The following BAZ2A variants were observed in gnomAD, a reference collection of about 807,000 sequenced individuals.
BAZ2A encodes bromodomain adjacent to zinc finger domain protein 2A.
Under a neutral mutation model 199.9 loss-of-function variants are expected in BAZ2A, and 34 were observed. The observed-to-expected ratio is 0.17, with a 90% CI of 0.13 to 0.23. The LOEUF is 0.23. Ranked by LOEUF, BAZ2A falls within the 10% of genes least tolerant of loss-of-function variation. BAZ2A has a pLI of 1.00. For synonymous variants in BAZ2A, 857 were observed against 883.9 expected (o/e 0.97, Z 0.54); for missense variants, 2,002 against 2,391.1 (o/e 0.84, Z 3.39).
chr12:56,632,975 C>G (rs893710194), upstream of BAZ2A, among the ~76,000 whole-genome samples: 2 of 152,148 alleles, frequency 1.3e-5, no homozygotes, highest in African/African-American at 4.8e-5. Flanking sequence ...CCTCTCTTTT[C>G]CCCACCCATT....
chr12:56,597,637 GACAC>G lies in BAZ2A; in HGVS notation c.*977_*980del, dbSNP rs35960815. On this transcript the variant is annotated 3_prime_UTR_variant, in exon 29 of 29. Transcript: ENST00000549884. Reference sequence around the variant, plus strand: ...CACACACACAGCGCGCTCTGAGGCCGACACACACACACACACACACACACACACA... The same window carrying G: ...CACACACACAGCGCGCTCTGAGGCCGACACACACACACACACACACACACA... 9.3e-3 allele frequency: 1,181 copies of G among 127,204 alleles called. 18 individuals are homozygous for G. Among genetic ancestry groups the G allele is most frequent in the African/African-American group, 0.03 (888 of 29,444 alleles). The allele number at this position is 127,204 out of a possible 1,614,324, so 7.9% of individuals were successfully genotyped here.
chr12:56,628,177 CAAAAA>C (rs57372528), intron 1 of BAZ2A, among the ~76,000 whole-genome samples: 2 of 28,382 alleles, frequency 7.0e-5, no homozygotes, highest in South Asian at 1.7e-3. Context: ...AACTCCGTCT[CAAAAA>C]AAAAAAAAAA....
At chr12:56,603,788 G>A (rs1048826472) in intron 16 of BAZ2A, 88 bp from the exon 17 acceptor site, 86 of 1,453,098 alleles carry the variant, frequency 5.9e-5, no homozygotes, top group Non-Finnish European at 4.8e-5. Flanking sequence ...CAAGACAGGC[G>A]GATCACCTGA....
In BAZ2A at chr12:56,596,962, C is replaced by T. The variant is rs78470960; in HGVS notation, c.*1656G>A. Reference sequence around the variant, plus strand: ...AGGAATGCTCCACCTCACCTGGCACCCCCACCCCCCAATGGAACATTTCTT... The same window carrying T: ...AGGAATGCTCCACCTCACCTGGCACTCCCACCCCCCAATGGAACATTTCTT... On this transcript the variant is annotated 3_prime_UTR_variant, in exon 29 of 29. Coordinates refer to ENST00000549884, the MANE Select transcript of BAZ2A (RefSeq NM_001300905.2). The T allele has an allele frequency of 7.7e-3, 1,174 of 152,780 alleles. 4 individuals are homozygous for T. The highest frequency in any genetic ancestry group is 0.012 in the Non-Finnish European group (825 of 68,210). The allele number at this position is 152,780 out of a possible 1,614,324, so 9.5% of individuals were successfully genotyped here. A position where few individuals can be genotyped will look rare whatever the true frequency, so the allele number is the denominator to read the frequency against.
Position 56,615,359 on chromosome 12 carries a change from G to A in BAZ2A, c.385C>T (p.Arg129Trp), listed in dbSNP as rs767384270. ...TTATGACTTGGGGATGAAGGTTGCC[G>A]GCTGCCCCCAAGGATGCCGTTGAGT... The part of the protein sequence containing the change: ...YPLNGILGGS[R>W]QPSSPSHNTN... Residue 129 changes from arginine (R) to tryptophan (W), a missense_variant, in exon 3 of 29, where the codon CGG becomes TGG. Arg to Trp is a moderately radical substitution (Grantham distance 101). Around this residue, in one of 6 missense-constraint regions of BAZ2A, gnomAD observed 641 missense variants for 694.5 expected, o/e 0.92. Transcript: ENST00000549884. The A allele has an allele frequency of 2.5e-6, 4 of 1,613,526 alleles. No individual in the cohort carries two copies. Among genetic ancestry groups the A allele is most frequent in the African/African-American group, 1.3e-5 (1 of 74,878 alleles).
intron 18 of BAZ2A, 64 bp downstream of exon 18, chr12:56,603,295 A>C: frequency 6.6e-7 from 1 of 1,523,580 alleles, no homozygotes; most frequent in Non-Finnish European, 9.0e-7. Flanking sequence ...CAGTTTAAAA[A>C]AGAAGCTGAT....
At chr12:56,620,908 C>G (rs1950901367) in intron 1 of BAZ2A, among the ~76,000 whole-genome samples, 1 of 152,068 alleles carries the variant, frequency 6.6e-6, no homozygotes, top group African/African-American at 2.4e-5. Context: ...AGTAGGGGGT[C>G]TGAAAGATAA....
At chr12:56,628,948 G>A (rs1951200808) in intron 1 of BAZ2A, among the ~76,000 whole-genome samples, 1 of 152,010 alleles carries the variant, frequency 6.6e-6, no homozygotes, top group South Asian at 2.1e-4. Context: ...AAACCAGACA[G>A]GAAGACAGAG....
chr12:56,623,045 G>A (rs906617650), intron 1 of BAZ2A, among the ~76,000 whole-genome samples: 1 of 152,036 alleles, frequency 6.6e-6, no homozygotes, highest in Non-Finnish European at 1.5e-5. Context: ...GACCATCCTG[G>A]CTAACACGGT....
chr12:56,634,639 A>C (rs1239539381), upstream of BAZ2A, among the ~76,000 whole-genome samples: 2 of 151,962 alleles, frequency 1.3e-5, no homozygotes, highest in East Asian at 1.9e-4. Flanking sequence ...AGAGGGGAGG[A>C]GGCGAAACCC....
In BAZ2A at chr12:56,599,110, C is replaced by A. The variant is rs371507859; in HGVS notation, c.5402+19G>T. On this transcript the variant is annotated intron_variant, in intron 27 of 28. Transcript: ENST00000549884. ...GCAGAGGTAGAGCCAACTGTCCCCC[C>A]AGGATTCACTCAACTCACTCGCAAA... The A allele has an allele frequency of 2.4e-5, 39 of 1,603,634 alleles. No individual in the cohort carries two copies. In the African/African-American group the frequency reaches 2.7e-4, roughly 11 times the overall value.
rs778320778 is a variant in BAZ2A, at chr12:56,614,121, A to G, written c.748T>C (p.Tyr250His). 5.6e-6 allele frequency: 9 copies of G among 1,613,786 alleles called. No homozygotes were observed. In the East Asian group the frequency reaches 2.0e-4, roughly 36 times the overall value. The change falls in exon 4 of 29, where the codon TAC becomes CAC. Residue 250 changes from tyrosine to histidine, a missense_variant. Transcript: ENST00000549884. ...TCCACAGAAGGGACAGAGCCATTGT[A>G]GCCACACATCTTCAGTTCTAGGAAA... Reference protein sequence around the residue: ...EEQPELKMCGYNGSVPSVESL... With the variant: ...EEQPELKMCGHNGSVPSVESL...
At chr12:56,613,388 C>T (rs1950620693) in intron 4 of BAZ2A, among the ~76,000 whole-genome samples, 155 bp from the exon 5 acceptor site, 1 of 152,072 alleles carries the variant, frequency 6.6e-6, no homozygotes, top group Admixed American at 6.5e-5. Flanking sequence ...AGCCTTCTCC[C>T]TGAAAGAGTA....
rs973967909 is a variant in BAZ2A, at chr12:56,596,027, G to A, written c.*2591C>T. 6.6e-6 allele frequency: 1 copy of A among 152,466 alleles called. No homozygotes were observed. Among genetic ancestry groups the A allele is most frequent in the Non-Finnish European group, 1.5e-5 (1 of 68,030 alleles). The allele number at this position is 152,466 out of a possible 1,614,324, so 9.4% of individuals were successfully genotyped here. ...ACATGGCAAAAACAGGAGTTTTTTC[G>A]CTAGACTTTTTTTTTCTTTTTAACC... On this transcript the variant is annotated 3_prime_UTR_variant, in exon 29 of 29. Coordinates refer to ENST00000549884, the MANE Select transcript of BAZ2A (RefSeq NM_001300905.2).
intron 16 of BAZ2A, 81 bp downstream of exon 16, chr12:56,604,136 A>G (rs896327213): frequency 1.4e-6 from 2 of 1,384,602 alleles, no homozygotes; most frequent in African/African-American, 2.9e-5. Flanking sequence ...AAAGCATCAC[A>G]TTTCAAGCCA....
intron 19 of BAZ2A, 50 bp from the exon 20 acceptor site, chr12:56,602,242 A>T: frequency 6.9e-7 from 1 of 1,447,910 alleles, no homozygotes; most frequent in African/African-American, 1.4e-5. Context: ...ACAAGGGAAA[A>T]GTAAGAGGGT....
Position 56,604,580 on chromosome 12 carries a change from C to A in BAZ2A, c.2963+5G>T. ...CAATGACCATCCCCACTCCCAGCCT[C>A]TCACTTGATGATGAGGGTGGAGCCA... is the stretch of plus-strand genomic sequence containing the variant. On this transcript the variant is annotated splice_donor_5th_base_variant and intron_variant, in intron 15 of 28. Coordinates refer to ENST00000549884, the MANE Select transcript of BAZ2A (RefSeq NM_001300905.2). The A allele has an allele frequency of 6.4e-7, 1 of 1,571,396 alleles. No individual in the cohort carries two copies. The highest frequency in any genetic ancestry group is 2.3e-5 in the East Asian group (1 of 42,802).
chr12:56,622,376 T>C (rs766307593), intron 1 of BAZ2A, among the ~76,000 whole-genome samples: 4 of 152,064 alleles, frequency 2.6e-5, no homozygotes, highest in Non-Finnish European at 5.9e-5. Flanking sequence ...ACGGTCTACA[T>C]ATAAAATAAA....
chr12:56,629,931 G>A (rs1951249000), intron 1 of BAZ2A, 194 bp downstream of exon 1: 2 of 291,932 alleles, frequency 6.9e-6, no homozygotes, highest in African/African-American at 2.3e-5. Context: ...AGCCCCACCA[G>A]CCCTGTTCTC....
Sources: gnomAD v4.1 joint callset for allele counts (sites outside exome capture counted in the v4.1 genomes callset) on GRCh38, gnomAD v4.1.1 for gene constraint, gnomAD v4.1.1 regional missense constraint, MANE v1.5 for transcripts, NCBI Gene and HGNC (gene_info 2026-07-23, HGNC 2026-07-21) for gene names.